The following RBFOX1 variants were observed in gnomAD, a reference collection of about 807,000 sequenced individuals.
RBFOX1 encodes RNA binding fox-1 homolog 1.
In RBFOX1, 8 loss-of-function variants were observed where a neutral mutation model predicts 57.7. The ratio of observed to expected loss-of-function variants is 0.14; its 90% CI spans 0.08 to 0.25. The LOEUF (loss-of-function observed/expected upper bound fraction) is 0.25. Ranked by LOEUF, RBFOX1 falls within the 10% of genes least tolerant of loss-of-function variation. The pLI, the probability that RBFOX1 is intolerant of heterozygous loss-of-function variation, is 1.00. For missense variants in RBFOX1, 611 were observed against 548.5 expected, an observed-to-expected ratio of 1.11 and a Z score of -1.14; for synonymous variants, 326 against 222.4, an observed-to-expected ratio of 1.47 and a Z score of -4.15.
At chr16:6,826,061 A>G (rs1210928121) in intron 3 of RBFOX1, among the ~76,000 whole-genome samples, 1 of 151,930 alleles carries the variant, frequency 6.6e-6, no homozygotes, top group Non-Finnish European at 1.5e-5. Context: ...TTCATTGCCC[A>G]GGTCCCCCAC....
intron 3 of RBFOX1, among the ~76,000 whole-genome samples, chr16:6,943,174 A>G (rs2078860483): frequency 6.6e-6 from 1 of 152,162 alleles, no homozygotes; most frequent in African/African-American, 2.4e-5. Context: ...TCCACTCTCC[A>G]CAGACCTGAG....
chr16:5,623,841 C>T (rs149943337), intron 3 of RBFOX1, among the ~76,000 whole-genome samples: 6 of 152,244 alleles, frequency 3.9e-5, no homozygotes, highest in Admixed American at 1.3e-4. Flanking sequence ...TTTGGAAAAA[C>T]GGCTCTATTG....
intron 1 of RBFOX1, among the ~76,000 whole-genome samples, chr16:6,090,304 C>T (rs1169600099): frequency 6.6e-6 from 1 of 152,128 alleles, no homozygotes; most frequent in Non-Finnish European, 1.5e-5. Flanking sequence ...TCCCTTAATT[C>T]CCTGTTGCCC....
chr16:7,082,614 G>C (rs1285278756), intron 4 of RBFOX1, among the ~76,000 whole-genome samples: 1 of 152,010 alleles, frequency 6.6e-6, no homozygotes, highest in East Asian at 1.9e-4. Flanking sequence ...TGATTCAGTT[G>C]AGTTTATCAA....
chr16:5,277,382 C>G (rs561221120), intron 1 of RBFOX1, among the ~76,000 whole-genome samples: 12 of 152,062 alleles, frequency 7.9e-5, no homozygotes, highest in Non-Finnish European at 1.3e-4. Context: ...GCCAAAATTT[C>G]AGAGATCACC....
At chr16:6,869,530 G>T (rs2060509411) in intron 3 of RBFOX1, among the ~76,000 whole-genome samples, 2 of 151,542 alleles carry the variant, frequency 1.3e-5, no homozygotes, top group Non-Finnish European at 2.9e-5. Context: ...AGGGTTTTAT[G>T]AATCCTTTTT....
At chr16:7,043,754 C>G (rs1597865346) in intron 3 of RBFOX1, among the ~76,000 whole-genome samples, 1 of 152,232 alleles carries the variant, frequency 6.6e-6, no homozygotes, top group African/African-American at 2.4e-5. Context: ...CTTTGGACTC[C>G]TACTTTCCCC....
chr16:6,600,082 A>T (rs1006138079), intron 2 of RBFOX1, among the ~76,000 whole-genome samples: 1 of 152,174 alleles, frequency 6.6e-6, no homozygotes, highest in East Asian at 1.9e-4. Context: ...AGGGTTAGGG[A>T]AGCATTCATG....
chr16:7,432,308 T>C (rs953583395), intron 4 of RBFOX1, among the ~76,000 whole-genome samples: 3 of 152,218 alleles, frequency 2.0e-5, no homozygotes, highest in Non-Finnish European at 4.4e-5. Context: ...TAAAATTCTC[T>C]GCACAAATAA....
chr16:7,635,716 C>T (rs1455045765), intron 11 of RBFOX1, among the ~76,000 whole-genome samples: 1 of 152,196 alleles, frequency 6.6e-6, no homozygotes, highest in Non-Finnish European at 1.5e-5. Context: ...TATTTTCATC[C>T]AGTTTGTTTA....
intron 4 of RBFOX1, among the ~76,000 whole-genome samples, chr16:7,139,176 C>CTGTGTGTGTGTGTGTGTGTGTGTGTGTG (rs1388063094): frequency 2.7e-5 from 4 of 145,790 alleles, no homozygotes; most frequent in African/African-American, 7.7e-5. Flanking sequence ...CAATCTCTCT[C>CTGTGTGTGTGTGTGTGTGTGTGTGTGTG]TGTGTGTGTG....
intron 1 of RBFOX1, among the ~76,000 whole-genome samples, chr16:6,257,906 C>G (rs1190216094): frequency 6.6e-6 from 1 of 152,100 alleles, no homozygotes; most frequent in Non-Finnish European, 1.5e-5. Context: ...TGTCTTTATA[C>G]TAGAATGATT....
At chr16:7,141,959 C>T (rs986784707) in intron 4 of RBFOX1, among the ~76,000 whole-genome samples, 1 of 152,108 alleles carries the variant, frequency 6.6e-6, no homozygotes, top group Non-Finnish European at 1.5e-5. Flanking sequence ...GATCCTATTT[C>T]TTATTTTCCT....
intron 5 of RBFOX1, among the ~76,000 whole-genome samples, chr16:7,560,859 T>C (rs2090164183): frequency 6.6e-6 from 1 of 152,248 alleles, no homozygotes; most frequent in African/African-American, 2.4e-5. Flanking sequence ...GCTCTGCTAA[T>C]GTGTGACTGC....
At chr16:5,715,244 G>T (rs1020762103) in intron 3 of RBFOX1, among the ~76,000 whole-genome samples, 1 of 152,030 alleles carries the variant, frequency 6.6e-6, no homozygotes, top group South Asian at 2.1e-4. Flanking sequence ...GCCTTATTTC[G>T]AAATCTAATT....
chr16:7,269,982 C>A (rs953775594), intron 4 of RBFOX1, among the ~76,000 whole-genome samples: 15 of 152,200 alleles, frequency 9.9e-5, no homozygotes, highest in Non-Finnish European at 2.1e-4. Context: ...CCTGTTTAAA[C>A]CTTCCCCTTT....
At chr16:6,507,232 G>T (rs1567487275) in intron 2 of RBFOX1, among the ~76,000 whole-genome samples, 1 of 152,014 alleles carries the variant, frequency 6.6e-6, no homozygotes, top group African/African-American at 2.4e-5. Flanking sequence ...ACACATGATA[G>T]ACAAAATTAC....
rs182831906 is a variant in RBFOX1, at chr16:6,254,312, A to G, written c.-126-62683A>G. Among the ~76,000 whole-genome samples, 181 of 152,344 alleles carry G rather than the reference A, an allele frequency of 1.2e-3. 2 individuals carry two copies. Among genetic ancestry groups the G allele is most frequent in the South Asian group, 0.01 (49 of 4,820 alleles). On this transcript the variant is annotated intron_variant, in intron 1 of 15. Transcript: ENST00000550418. Reference sequence around the variant, plus strand: ...CTAAATAAGCAATTGTTTATCAACAATATAAATATCTATCTACATAAGTGA... The same window carrying G: ...CTAAATAAGCAATTGTTTATCAACAGTATAAATATCTATCTACATAAGTGA...
At chr16:5,680,274 T>G (rs964366396) in intron 3 of RBFOX1, among the ~76,000 whole-genome samples, 3 of 152,206 alleles carry the variant, frequency 2.0e-5, no homozygotes, top group Admixed American at 1.3e-4. Context: ...TGGCGGAGAT[T>G]TGTTTGTTTT....
Sources: allele counts gnomAD v4.1 joint callset (sites outside exome capture counted in the v4.1 genomes callset), GRCh38; gene constraint gnomAD v4.1.1; transcripts MANE v1.5; gene names NCBI Gene and HGNC (gene_info 2026-07-23, HGNC 2026-07-21).